ZNF585B: variants seen among roughly 807,000 people sequenced by gnomAD.
The protein encoded by ZNF585B is zinc finger protein 41-like protein.
ZNF585B carries 7 observed loss-of-function variants against 14.0 expected under a neutral mutation model. The observed-to-expected ratio is 0.50, with a 90% confidence interval of 0.28 to 0.94. ZNF585B has a LOEUF of 0.94. ZNF585B is among the 40% of genes least tolerant of loss of function. The probability of loss-of-function intolerance (pLI) is 0.09; values close to 1 mark genes in which losing one functional copy is unlikely to be tolerated. For missense variants in ZNF585B, 750 were observed against 924.4 expected (o/e 0.81, Z 2.45); for synonymous variants, 290 against 317.3 (o/e 0.91, Z 0.91).
At chr19:37,193,816 C>G (rs975219049) in intron 2 of ZNF585B, among the ~76,000 whole-genome samples, 6 of 152,040 alleles carry the variant, frequency 3.9e-5, no homozygotes. Flanking sequence ...AAGAGACTTA[C>G]GAATCATACT....
chr19:37,206,602 C>T (rs908783584), intron 2 of ZNF585B, among the ~76,000 whole-genome samples: 1 of 151,982 alleles, frequency 6.6e-6, no homozygotes, highest in Admixed American at 6.6e-5. Context: ...GCAGGAAATA[C>T]ATAGAAAATA....
chr19:37,201,380 T>C (rs1972529417), intron 2 of ZNF585B, among the ~76,000 whole-genome samples: 1 of 152,118 alleles, frequency 6.6e-6, no homozygotes, highest in Non-Finnish European at 1.5e-5. Flanking sequence ...AAGAAATACA[T>C]TGGTGGTGGG....
intron 2 of ZNF585B, among the ~76,000 whole-genome samples, chr19:37,197,575 G>A (rs1419525886): frequency 6.6e-6 from 1 of 152,138 alleles, no homozygotes; most frequent in African/African-American, 2.4e-5. Flanking sequence ...CACAATGGTT[G>A]AACTAATTTA....
At chr19:37,205,101 C>T (rs1008553841) in intron 2 of ZNF585B, among the ~76,000 whole-genome samples, 3 of 151,950 alleles carry the variant, frequency 2.0e-5, no homozygotes, top group Non-Finnish European at 2.9e-5. Context: ...CAGGGAATCA[C>T]TACATTGCCA....
chr19:37,205,951 G>A (rs1599769343), intron 2 of ZNF585B, among the ~76,000 whole-genome samples: 1 of 151,858 alleles, frequency 6.6e-6, no homozygotes, highest in African/African-American at 2.4e-5. Context: ...GTGGTGGCTC[G>A]CACCTGTAAT....
intron 2 of ZNF585B, among the ~76,000 whole-genome samples, chr19:37,192,733 C>T (rs1335959564): frequency 6.6e-6 from 1 of 152,036 alleles, no homozygotes; most frequent in Non-Finnish European, 1.5e-5. Context: ...TCGCTTGAAC[C>T]TGGGAGGTGG....
Position 37,184,439 on chromosome 19 carries a change from AG to A in ZNF585B, c.*787del, listed in dbSNP as rs1568504914. ...AAGAGAAAGAAAGAAAAAGAAAGAA[AG>A]AAGGAAAGAAAGAAAGAAAGAAAGA... On this transcript the variant is annotated 3_prime_UTR_variant, in exon 5 of 5. Transcript: ENST00000532828. 1.0e-3 allele frequency: 77 copies of A among 74,874 alleles called. 6 individuals are homozygous for A. The highest frequency in any genetic ancestry group is 7.2e-3 in the South Asian group (16 of 2,212). The allele number at this position is 74,874 out of a possible 1,614,324, so 4.6% of individuals were successfully genotyped here. A position where few individuals can be genotyped will look rare whatever the true frequency, so the allele number is the denominator to read the frequency against.
At chr19:37,192,600 CA>C (rs1400387624) in intron 2 of ZNF585B, among the ~76,000 whole-genome samples, 1 of 151,388 alleles carries the variant, frequency 6.6e-6, no homozygotes, top group Admixed American at 6.6e-5. Flanking sequence ...CACCTAAGGT[CA>C]GGAGTTCGAG....
At position 37,187,106 on chromosome 19, in the gene ZNF585B, T is replaced by A; in HGVS notation, c.431A>T (p.Gln144Leu). The change falls in exon 5 of 5, where the codon CAG becomes CTG. Residue 144 changes from glutamine (Q) to leucine (L), a missense_variant. Gln to Leu is a moderately radical substitution (Grantham distance 113, BLOSUM62 -2). This residue lies in a region of ZNF585B where 517 missense variants were observed against 570.3 expected (regional missense o/e 0.91). Transcript: ENST00000532828. ...AGGAACTTTCAGATGTACCTTGAAC[T>A]GTGACTTCCAGGTGAAGCTCTTTCC... ...EFGKSFTWKS[Q>L]FKVHLKVPTG... 6.2e-7 allele frequency: 1 copy of A among 1,614,176 alleles called. No homozygotes were observed. The highest frequency in any genetic ancestry group is 8.5e-7 in the Non-Finnish European group (1 of 1,180,028).
intron 1 of ZNF585B, among the ~76,000 whole-genome samples, chr19:37,209,760 G>A (rs1385911344): frequency 7.2e-6 from 1 of 139,056 alleles, no homozygotes; most frequent in African/African-American, 2.7e-5. Context: ...CTGTGGCCCA[G>A]GCTGGAGTGC....
chr19:37,206,497 A>T (rs377622538), intron 2 of ZNF585B, among the ~76,000 whole-genome samples: 1 of 152,158 alleles, frequency 6.6e-6, no homozygotes, highest in South Asian at 2.1e-4. Context: ...AGTTTTTAAA[A>T]ATTAAAACAT....
intron 2 of ZNF585B, chr19:37,190,626 C>T (rs535338913): frequency 3.1e-5 from 5 of 159,320 alleles, no homozygotes; most frequent in Non-Finnish European, 6.8e-5. Context: ...AGTGCAATGG[C>T]GTGATCTTGG....
In ZNF585B at chr19:37,192,005, G is replaced by A. The variant is rs184867660; in HGVS notation, c.73-1855C>T. Among the ~76,000 whole-genome samples, 1,052 of 152,136 alleles carry A rather than the reference G, an allele frequency of 6.9e-3. 5 individuals are homozygous for A. The highest frequency in any genetic ancestry group is 8.7e-3 in the Non-Finnish European group (591 of 68,004). On this transcript the variant is annotated intron_variant, in intron 2 of 4. Transcript: ENST00000532828. ...AGATCATGCCACTGCATTCCAGCCCGGGATACAGAGCAAGACTCCATCTCA... is the reference window on the plus strand; with the variant it reads ...AGATCATGCCACTGCATTCCAGCCCAGGATACAGAGCAAGACTCCATCTCA...
chr19:37,185,506 C>T lies in ZNF585B; in HGVS notation c.2031G>A (p.Leu677=), dbSNP rs752737631. Residue 677 remains leucine, a synonymous_variant, in exon 5 of 5, where the codon TTG becomes TTA. Coordinates refer to ENST00000532828, the MANE Select transcript of ZNF585B (RefSeq NM_152279.4). ...CAGTATGAATTCTGTGATGTGTAAT[C>T]AACTCTGACTTCTGTCGAAAGGTCT... The part of the protein sequence containing the change: ...CGKTFRQKSE[L]ITHHRIHTGE... The T allele has an allele frequency of 8.7e-6, 14 of 1,611,742 alleles. No homozygotes were observed. Among genetic ancestry groups the T allele is most frequent in the Non-Finnish European group, 1.2e-5 (14 of 1,179,212 alleles).
Position 37,207,228 on chromosome 19 carries a change from A to AG in ZNF585B, c.-118dup. 1 of 1,536,102 alleles carries AG rather than the reference A, an allele frequency of 6.5e-7. No homozygotes were observed. The highest frequency in any genetic ancestry group is 2.4e-5 in the East Asian group (1 of 42,204). ...TGGAGTCTGGAGGAAGGTCTGGCCC[A>AG]GGGACTCCCCAGAGACACCCAAGAA... On this transcript the variant is annotated 5_prime_UTR_variant, in exon 2 of 5. An upstream open reading frame in the 5' UTR loses its in-frame stop. Transcript: ENST00000532828.
Position 37,187,146 on chromosome 19 carries a change from C to G in ZNF585B, c.391G>C (p.Glu131Gln), listed in dbSNP as rs753269697. Reference protein sequence around the residue: ...QKIYSGEKSYECAEFGKSFTW... With the variant: ...QKIYSGEKSYQCAEFGKSFTW... ...AAGCTCTTTCCAAATTCAGCACACTCATAGGATTTTTCCCCAGAATAAATT... is the reference window on the plus strand; with the variant it reads ...AAGCTCTTTCCAAATTCAGCACACTGATAGGATTTTTCCCCAGAATAAATT... The change falls in exon 5 of 5, where the codon GAG becomes CAG. Residue 131 changes from glutamate (E) to glutamine (Q), a missense_variant. Glu to Gln is a conservative substitution (Grantham distance 29). Transcript: ENST00000532828. 12 of 1,613,926 alleles carry G rather than the reference C, an allele frequency of 7.4e-6. No individual in the cohort carries two copies. Among genetic ancestry groups the G allele is most frequent in the Non-Finnish European group, 1.0e-5 (12 of 1,180,008 alleles).
chr19:37,193,817 G>A (rs1972431281), intron 2 of ZNF585B, among the ~76,000 whole-genome samples: 1 of 152,080 alleles, frequency 6.6e-6, no homozygotes, highest in Non-Finnish European at 1.5e-5. Context: ...AGAGACTTAC[G>A]AATCATACTA....
chr19:37,182,680 A>G lies in ZNF585B; in HGVS notation c.*2547T>C, dbSNP rs1043066354. 5.3e-5 allele frequency: 8 copies of G among 152,190 alleles called. No homozygotes were observed. The highest frequency in any genetic ancestry group is 1.9e-4 in the African/African-American group (8 of 41,444). The allele number at this position is 152,190 out of a possible 1,614,324, so 9.4% of individuals were successfully genotyped here. On this transcript the variant is annotated 3_prime_UTR_variant, in exon 5 of 5. Coordinates refer to ENST00000532828, the MANE Select transcript of ZNF585B (RefSeq NM_152279.4). ...ACTGCCCAACTAGGGCTTGGGAATT[A>G]AAGGGGCATTGTGGCCCTGCTTCTT...
intron 2 of ZNF585B, among the ~76,000 whole-genome samples, chr19:37,197,858 A>G (rs1188486916): frequency 6.6e-6 from 1 of 152,214 alleles, no homozygotes; most frequent in Non-Finnish European, 1.5e-5. Context: ...TACATAAAGT[A>G]AGGCTATAAT....
Sources: allele counts gnomAD v4.1 joint callset (sites outside exome capture counted in the v4.1 genomes callset), GRCh38; gene constraint gnomAD v4.1.1; regional missense constraint gnomAD v4.1.1; transcripts MANE v1.5; gene names NCBI Gene and HGNC (gene_info 2026-07-23, HGNC 2026-07-21).